Variants in STXBP4 observed in about 807,000 individuals in gnomAD.
STXBP4 encodes syntaxin binding protein 4.
Under a neutral mutation model 76.1 loss-of-function variants are expected in STXBP4, and 55 were observed. That is an observed-to-expected ratio of 0.72 (90% CI 0.58 to 0.91). The LOEUF is 0.91. Ranked by LOEUF, STXBP4 falls within the 40% of genes least tolerant of loss-of-function variation. STXBP4 has a pLI of 0.00. For missense variants in STXBP4, 618 were observed against 636.9 expected (o/e 0.97, Z 0.32); for synonymous variants, 201 against 220.2 (o/e 0.91, Z 0.77).
chr17:55,173,783 T>G (rs965184529), downstream of STXBP4, among the ~76,000 whole-genome samples: 4 of 152,360 alleles, frequency 2.6e-5, no homozygotes, highest in East Asian at 1.9e-4. Context: ...ATTTATTATC[T>G]TACAGTTTTG....
At chr17:55,059,333 G>A (rs1332616366) in intron 12 of STXBP4, among the ~76,000 whole-genome samples, 1 of 152,196 alleles carries the variant, frequency 6.6e-6, no homozygotes, top group Admixed American at 6.5e-5. Flanking sequence ...CATCAGTTAC[G>A]TGTTTATGTA....
intron 16 of STXBP4, among the ~76,000 whole-genome samples, chr17:55,105,753 C>T (rs2079627505): frequency 6.6e-6 from 1 of 152,066 alleles, no homozygotes; most frequent in Non-Finnish European, 1.5e-5. Flanking sequence ...GCTGGGATTA[C>T]AGGCATGAGC....
At chr17:55,021,169 C>A (rs2078303760) in intron 8 of STXBP4, among the ~76,000 whole-genome samples, 1 of 152,092 alleles carries the variant, frequency 6.6e-6, no homozygotes. Flanking sequence ...TAATCCTCCT[C>A]CCTGCATTAG....
rs1018843988 is a variant in STXBP4, at chr17:55,168,542, T to C, written c.*8631T>C. ...TGAAAAAAAGATTTAAAATATGACT[T>C]AGTAGTTAGAATTTTTATCTTATAC... On this transcript the variant is annotated 3_prime_UTR_variant, in exon 18 of 18. Transcript: ENST00000376352. The C allele has an allele frequency of 6.6e-6, 1 of 152,192 alleles. No homozygotes were observed. Among genetic ancestry groups the C allele is most frequent in the Non-Finnish European group, 1.5e-5 (1 of 68,022 alleles). 9.4% of individuals were successfully genotyped at this position (152,192 alleles called of 1,614,324 possible).
chr17:55,004,147 C>T (rs11869802), intron 7 of STXBP4, among the ~76,000 whole-genome samples: 35,378 of 151,264 alleles, frequency 0.23, 4,604 homozygotes, highest in South Asian at 0.31. Context: ...TATGCCACTG[C>T]ACTCCAGCCT....
intron 16 of STXBP4, among the ~76,000 whole-genome samples, chr17:55,107,335 TCTAACC>T (rs1567765299): frequency 8.5e-5 from 13 of 152,198 alleles, no homozygotes; most frequent in Non-Finnish European, 1.5e-5. Flanking sequence ...TAGCAATTCC[TCTAACC>T]TTTTTTCAAG....
intron 10 of STXBP4, among the ~76,000 whole-genome samples, chr17:55,042,472 G>C (rs1048158872): frequency 4.0e-5 from 6 of 151,740 alleles, no homozygotes; most frequent in African/African-American, 1.5e-4. Flanking sequence ...CCTGCTTTAA[G>C]CCCATGCTTA....
At chr17:55,044,240 T>A (rs1246645477) in intron 11 of STXBP4, 2 of 152,064 alleles carry the variant, frequency 1.3e-5, no homozygotes, top group Non-Finnish European at 2.9e-5. Context: ...AAAGCTATAT[T>A]TTCCAAATCT....
Position 55,164,106 on chromosome 17 carries a change from A to C in STXBP4, c.*4195A>C, listed in dbSNP as rs1220456684. ...CACACTCCATTGCTTATAACTTTTG[A>C]GAGAATGAAAAGAACCTTAAACAGA... On this transcript the variant is annotated 3_prime_UTR_variant, in exon 18 of 18. Coordinates refer to ENST00000376352, the MANE Select transcript of STXBP4 (RefSeq NM_178509.6). The C allele has an allele frequency of 1.3e-5, 2 of 152,394 alleles. No homozygotes were observed. The highest frequency in any genetic ancestry group is 2.9e-5 in the Non-Finnish European group (2 of 68,042). The allele number at this position is 152,394 out of a possible 1,614,324, so 9.4% of individuals were successfully genotyped here.
intron 16 of STXBP4, among the ~76,000 whole-genome samples, chr17:55,137,473 C>T (rs2080044374): frequency 6.6e-6 from 1 of 152,162 alleles, no homozygotes; most frequent in East Asian, 1.9e-4. Context: ...TTTGTTTTTA[C>T]AATGAACAGT....
intron 1 of STXBP4, among the ~76,000 whole-genome samples, chr17:54,973,642 G>T (rs1169918198): frequency 6.6e-6 from 1 of 152,128 alleles, no homozygotes; most frequent in Non-Finnish European, 1.5e-5. Flanking sequence ...CATAAGCCTG[G>T]GCTGCAATTT....
intron 8 of STXBP4, among the ~76,000 whole-genome samples, chr17:55,028,519 G>A (rs909660409): frequency 1.3e-5 from 2 of 152,118 alleles, no homozygotes; most frequent in African/African-American, 4.8e-5. Flanking sequence ...TATGGCAATT[G>A]TCTTCAGAGC....
intron 15 of STXBP4, among the ~76,000 whole-genome samples, chr17:55,079,047 G>A (rs145896565): frequency 1.6e-4 from 25 of 152,244 alleles, no homozygotes; most frequent in East Asian, 1.2e-3. Context: ...ATTGTCTTGC[G>A]TATGAATCAA....
chr17:55,105,301 C>T (rs991420321), intron 16 of STXBP4, among the ~76,000 whole-genome samples: 1 of 152,086 alleles, frequency 6.6e-6, no homozygotes, highest in African/African-American at 2.4e-5. Context: ...TAGCTATGTC[C>T]TAGAGATTCT....
the STXBP4 span, among the ~76,000 whole-genome samples, chr17:55,203,556 A>G: frequency 6.6e-6 from 1 of 152,196 alleles, no homozygotes; most frequent in African/African-American, 2.4e-5. Context: ...AGGAAAATTT[A>G]GCTCCAAAAG....
intron 17 of STXBP4, among the ~76,000 whole-genome samples, chr17:55,150,517 A>C (rs1019062607): frequency 6.6e-6 from 1 of 152,248 alleles, no homozygotes; most frequent in Non-Finnish European, 1.5e-5. Flanking sequence ...ATATGAATTT[A>C]GGAGGGACAT....
intron 8 of STXBP4, among the ~76,000 whole-genome samples, chr17:55,017,760 G>C (rs1008666735): frequency 3.3e-5 from 5 of 152,166 alleles, no homozygotes; most frequent in Non-Finnish European, 7.4e-5. Context: ...GAAAGCGGAA[G>C]CTGGTTCTAG....
chr17:55,087,785 G>A (rs2079357753), intron 16 of STXBP4, among the ~76,000 whole-genome samples: 1 of 152,014 alleles, frequency 6.6e-6, no homozygotes, highest in South Asian at 2.1e-4. Flanking sequence ...GAATGTCATT[G>A]GTATTTTGAT....
intron 7 of STXBP4, among the ~76,000 whole-genome samples, chr17:55,003,165 A>T (rs1229791751): frequency 6.6e-6 from 1 of 152,202 alleles, no homozygotes; most frequent in Non-Finnish European, 1.5e-5. Context: ...ACCACAAATA[A>T]AAGCATAGAA....
Sources: gnomAD v4.1 joint callset for allele counts (sites outside exome capture counted in the v4.1 genomes callset) on GRCh38, gnomAD v4.1.1 for gene constraint, MANE v1.5 for transcripts, NCBI Gene and HGNC (gene_info 2026-07-23, HGNC 2026-07-21) for gene names.